The following CNTN5 variants were observed in gnomAD, a reference collection of about 807,000 sequenced individuals.
The protein encoded by CNTN5 is contactin-5.
Under a neutral mutation model 129.1 loss-of-function variants are expected in CNTN5, and 77 were observed. That is an observed-to-expected ratio of 0.60 (90% CI 0.50 to 0.72). The LOEUF is 0.72. Among genes scored for constraint, CNTN5 ranks in the 30% least tolerant of loss-of-function variants. CNTN5 has a pLI of 0.00. For missense variants in CNTN5, 1,478 were observed against 1,328.8 expected, an observed-to-expected ratio of 1.11 and a Z score of -1.75; for synonymous variants, 509 against 465.6, an observed-to-expected ratio of 1.09 and a Z score of -1.20.
chr11:99,877,105 C>G (rs1948653090), intron 6 of CNTN5, among the ~76,000 whole-genome samples: 1 of 152,100 alleles, frequency 6.6e-6, no homozygotes, highest in Admixed American at 6.6e-5. Flanking sequence ...GAATAAAATT[C>G]TTTCCATATT....
At chr11:99,995,664 A>G (rs1438110044) in intron 8 of CNTN5, among the ~76,000 whole-genome samples, 3 of 152,196 alleles carry the variant, frequency 2.0e-5, no homozygotes, top group African/African-American at 7.2e-5. Context: ...CCATGCTCAT[A>G]TGGCCACAAA....
intron 6 of CNTN5, among the ~76,000 whole-genome samples, chr11:99,888,232 T>C (rs1188948142): frequency 6.6e-6 from 1 of 152,162 alleles, no homozygotes; most frequent in Non-Finnish European, 1.5e-5. Context: ...TCTATTTTCC[T>C]GAATTGCTAA....
At chr11:100,131,403 T>C (rs2138209578) in intron 13 of CNTN5, among the ~76,000 whole-genome samples, 1 of 152,080 alleles carries the variant, frequency 6.6e-6, no homozygotes, top group South Asian at 2.1e-4. Flanking sequence ...TGAGATGGGA[T>C]ATGGGAGGAA....
At chr11:99,124,370 G>C (rs1028728400) in intron 1 of CNTN5, among the ~76,000 whole-genome samples, 1 of 151,948 alleles carries the variant, frequency 6.6e-6, no homozygotes, top group Non-Finnish European at 1.5e-5. Flanking sequence ...ACTTTTGCAC[G>C]TCGATTTTGT....
intron 3 of CNTN5, among the ~76,000 whole-genome samples, chr11:99,653,435 A>T (rs964066810): frequency 1.3e-5 from 2 of 152,012 alleles, no homozygotes; most frequent in Non-Finnish European, 2.9e-5. Context: ...ACATGTTCAT[A>T]GCTCCCCCGT....
At chr11:99,702,376 A>G (rs1954560356) in intron 3 of CNTN5, among the ~76,000 whole-genome samples, 1 of 150,804 alleles carries the variant, frequency 6.6e-6, no homozygotes, top group Admixed American at 6.6e-5. Context: ...TCACTTTCCC[A>G]TTTTCAACCT....
intron 1 of CNTN5, among the ~76,000 whole-genome samples, chr11:99,222,552 G>A (rs1268915573): frequency 6.6e-6 from 1 of 151,926 alleles, no homozygotes; most frequent in Non-Finnish European, 1.5e-5. Context: ...TAAATAAAAT[G>A]AGATGTTATT....
intron 1 of CNTN5, among the ~76,000 whole-genome samples, chr11:99,089,140 T>C (rs935150457): frequency 6.6e-5 from 10 of 152,150 alleles, no homozygotes; most frequent in African/African-American, 2.4e-4. Flanking sequence ...GAAGTTATAC[T>C]GTATTCAACA....
chr11:100,284,138 G>A (rs973755250), intron 18 of CNTN5, among the ~76,000 whole-genome samples: 1 of 152,106 alleles, frequency 6.6e-6, no homozygotes, highest in Non-Finnish European at 1.5e-5. Flanking sequence ...CTGGGGAATG[G>A]AGGAGCGGTG....
chr11:100,304,596 G>T (rs1951304650), intron 20 of CNTN5, among the ~76,000 whole-genome samples: 1 of 151,572 alleles, frequency 6.6e-6, no homozygotes, highest in African/African-American at 2.4e-5. Flanking sequence ...CCCAAATGGG[G>T]AGCCCAACAC....
intron 2 of CNTN5, among the ~76,000 whole-genome samples, chr11:99,395,922 A>T (rs1007476503): frequency 1.3e-5 from 2 of 151,962 alleles, no homozygotes; most frequent in African/African-American, 2.4e-5. Context: ...TTGTACCAGT[A>T]CCATGCTGTT....
intron 3 of CNTN5, among the ~76,000 whole-genome samples, chr11:99,765,418 T>A (rs1003781335): frequency 6.6e-6 from 1 of 151,820 alleles, no homozygotes; most frequent in Non-Finnish European, 1.5e-5. Flanking sequence ...GGGGAACATT[T>A]GCAGGTCTTT....
chr11:99,570,784 A>AGTAATATTG (rs2135576199), intron 3 of CNTN5, among the ~76,000 whole-genome samples: 1 of 152,284 alleles, frequency 6.6e-6, no homozygotes, highest in South Asian at 2.1e-4. Context: ...AATGATAGTG[A>AGTAATATTG]GTAATATTGG....
chr11:100,035,777 A>C (rs953072444), intron 9 of CNTN5, among the ~76,000 whole-genome samples: 4 of 151,422 alleles, frequency 2.6e-5, no homozygotes, highest in African/African-American at 7.3e-5. Flanking sequence ...TTCTTTTGAG[A>C]AGTGTCTGTT....
At chr11:99,751,363 A>T (rs1944229944) in intron 3 of CNTN5, among the ~76,000 whole-genome samples, 1 of 152,218 alleles carries the variant, frequency 6.6e-6, no homozygotes, top group Non-Finnish European at 1.5e-5. Context: ...TAATTCAAAA[A>T]TAAAAAATAA....
At chr11:99,946,282 T>C (rs960062060) in intron 7 of CNTN5, among the ~76,000 whole-genome samples, 5 of 152,146 alleles carry the variant, frequency 3.3e-5, no homozygotes, top group African/African-American at 1.2e-4. Flanking sequence ...TAAGCTATAA[T>C]AGTTTCTAGT....
chr11:99,563,013 T>C (rs774897520), intron 3 of CNTN5, among the ~76,000 whole-genome samples: 1 of 152,130 alleles, frequency 6.6e-6, no homozygotes, highest in Admixed American at 6.6e-5. Flanking sequence ...GATGTAATAA[T>C]GAGTTATAAG....
At chr11:99,894,320 G>A (rs1949141223) in intron 6 of CNTN5, among the ~76,000 whole-genome samples, 1 of 151,936 alleles carries the variant, frequency 6.6e-6, no homozygotes, top group African/African-American at 2.4e-5. Context: ...TCTGTTAAAT[G>A]TAAAGGCTTA....
chr11:100,206,014 C>T (rs1007963938), intron 15 of CNTN5, among the ~76,000 whole-genome samples: 40 of 151,946 alleles, frequency 2.6e-4, no homozygotes, highest in African/African-American at 7.7e-4. Flanking sequence ...GGGAGGTATA[C>T]GAATACAACT....
Sources: gnomAD v4.1 joint callset for allele counts (sites outside exome capture counted in the v4.1 genomes callset) on GRCh38, gnomAD v4.1.1 for gene constraint, MANE v1.5 for transcripts, NCBI Gene and HGNC (gene_info 2026-07-23, HGNC 2026-07-21) for gene names.